SULT1C2: variants seen among roughly 807,000 people sequenced by gnomAD.
The protein encoded by SULT1C2 is sulfotransferase family 1C member 2.
SULT1C2 carries 27 observed loss-of-function variants against 36.0 expected under a neutral mutation model. The observed-to-expected ratio is 0.75, with a 90% CI of 0.55 to 1.03. The LOEUF is 1.03. Among genes scored for constraint, SULT1C2 ranks in the 50% least tolerant of loss-of-function variants. The pLI is 0.00. For missense variants in SULT1C2, 395 were observed against 359.2 expected (o/e 1.10, Z -0.80); for synonymous variants, 121 against 116.0 (o/e 1.04, Z -0.27).
At chr2:108,303,748 G>T (rs763511585) in intron 4 of SULT1C2, 12 of 152,212 alleles carry the variant, frequency 7.9e-5, no homozygotes, top group Non-Finnish European at 1.2e-4. Flanking sequence ...ATTGTAGAAT[G>T]TTGAACAGCA....
intron 1 of SULT1C2, among the ~76,000 whole-genome samples, chr2:108,292,393 A>AACACACACAC (rs66462427): frequency 1.8e-4 from 24 of 133,456 alleles, no homozygotes; most frequent in African/African-American, 4.0e-4. Context: ...CAACAATGAC[A>AACACACACAC]ACACACACAC....
intron 3 of SULT1C2, 199 bp from the exon 4 acceptor site, chr2:108,300,639 G>A: frequency 1.2e-6 from 1 of 817,862 alleles, no homozygotes; most frequent in South Asian, 2.8e-5. Flanking sequence ...TAACTCTAAG[G>A]CCCCATCCAG....
intron 1 of SULT1C2, among the ~76,000 whole-genome samples, chr2:108,290,775 C>G (rs1352476419): frequency 6.6e-6 from 1 of 152,236 alleles, no homozygotes; most frequent in Non-Finnish European, 1.5e-5. Flanking sequence ...CACTGCCACA[C>G]TGGCAGTTAA....
At chr2:108,297,205 T>C (rs1676752864) in intron 3 of SULT1C2, among the ~76,000 whole-genome samples, 1 of 152,090 alleles carries the variant, frequency 6.6e-6, no homozygotes. Context: ...TATTGTCCCA[T>C]GGAAGAAACC....
intron 3 of SULT1C2, chr2:108,300,583 C>G (rs1001910151): frequency 1.9e-6 from 1 of 522,162 alleles, no homozygotes; most frequent in Non-Finnish European, 3.1e-6. Flanking sequence ...CTTCACTTGA[C>G]CATTCTCACC....
chr2:108,304,614 C>T lies in SULT1C2; in HGVS notation c.416C>T (p.Ser139Phe). ...VARNAKDCMVSYYHFQRMNHM... is the reference protein window; with the variant it reads ...VARNAKDCMVFYYHFQRMNHM... Reference sequence around the variant, plus strand: ...CGAAATGCCAAAGACTGTATGGTTTCCTACTACCATTTCCAAAGGATGAAC... The same window carrying T: ...CGAAATGCCAAAGACTGTATGGTTTTCTACTACCATTTCCAAAGGATGAAC... Residue 139 changes from serine to phenylalanine, a missense_variant, in exon 5 of 8, where the codon TCC (serine) becomes TTC (phenylalanine). Coordinates refer to ENST00000251481, the MANE Select transcript of SULT1C2 (RefSeq NM_001056.4). 1 of 1,613,628 alleles carries T rather than the reference C, an allele frequency of 6.2e-7. No individual in the cohort carries two copies. The highest frequency in any genetic ancestry group is 8.5e-7 in the Non-Finnish European group (1 of 1,179,848).
At chr2:108,296,178 G>A (rs572415339) in intron 3 of SULT1C2, among the ~76,000 whole-genome samples, 1 of 152,302 alleles carries the variant, frequency 6.6e-6, no homozygotes, top group Non-Finnish European at 1.5e-5. Flanking sequence ...TAAAGAAAGA[G>A]GAGAGGCCTA....
rs75598365 is a variant in SULT1C2, at chr2:108,300,676, A to C, written c.278-162A>C. 1,186 of 1,256,094 alleles carry C rather than the reference A, an allele frequency of 9.4e-4. 7 individuals carry two copies. In the African/African-American group the frequency reaches 0.017, roughly 18 times the overall value. 77.8% of individuals were successfully genotyped at this position (1,256,094 alleles called of 1,614,324 possible). On this transcript the variant is annotated intron_variant, in intron 3 of 7. Transcript: ENST00000251481. Reference sequence around the variant, plus strand: ...ACTCAAGCTGTGTGATTTTACAAAAATGAAAATTATATTAATAATCCCATT... The same window carrying C: ...ACTCAAGCTGTGTGATTTTACAAAACTGAAAATTATATTAATAATCCCATT...
In SULT1C2 at chr2:108,301,003, C is replaced by A. The variant is rs925594023; in HGVS notation, c.375+68C>A. 4 of 1,582,282 alleles carry A rather than the reference C, an allele frequency of 2.5e-6. No individual in the cohort carries two copies. The African/African-American group carries it at 5.4e-5, about 21-fold the overall frequency. ...CAACCAAAGCGAGTCCTGCAGACCC[C>A]AACGCAGAGCATTCGTGATCACCTT... On this transcript the variant is annotated intron_variant, in intron 4 of 7. Coordinates refer to ENST00000251481, the MANE Select transcript of SULT1C2 (RefSeq NM_001056.4).
rs35976654 is a variant in SULT1C2 at position 108,309,330 on chromosome 2, CT to C, written c.*867del. 44,585 of 152,004 alleles carry C rather than the reference CT, an allele frequency of 0.29. 8,211 individuals are homozygous for C. Among genetic ancestry groups the C allele is most frequent in the Non-Finnish European group, 0.41 (27,589 of 67,894 alleles). The allele number at this position is 152,004 out of a possible 1,614,324, so 9.4% of individuals were successfully genotyped here. A position where few individuals can be genotyped will look rare whatever the true frequency, so the allele number is the denominator to read the frequency against. Reference sequence around the variant, plus strand: ...TTACTCTTCAATTTCTTATTTATACCTCTCACTCAATTGTTAATTCTTTGGG... The same window carrying C: ...TTACTCTTCAATTTCTTATTTATACCCTCACTCAATTGTTAATTCTTTGGG... On this transcript the variant is annotated 3_prime_UTR_variant, in exon 8 of 8. Transcript: ENST00000251481.
At chr2:108,292,112 T>G (rs1461033064) in intron 1 of SULT1C2, among the ~76,000 whole-genome samples, 1 of 152,182 alleles carries the variant, frequency 6.6e-6, no homozygotes, top group Non-Finnish European at 1.5e-5. Context: ...CTAGCAAGCA[T>G]GTACTGTTAC....
At chr2:108,305,340 A>T (rs1676995434) in intron 6 of SULT1C2, 74 bp downstream of exon 6, 2 of 1,609,718 alleles carry the variant, frequency 1.2e-6, no homozygotes, top group Non-Finnish European at 8.5e-7. Flanking sequence ...GTTGTTTCAA[A>T]GGACATCCCA....
chr2:108,296,459 G>GTTT (rs4149428), intron 3 of SULT1C2, among the ~76,000 whole-genome samples: 158 of 150,074 alleles, frequency 1.1e-3, no homozygotes, highest in African/African-American at 2.3e-3. Context: ...CGTTTGTTTG[G>GTTT]TTTTTTTTTT....
At position 108,294,359 on chromosome 2, in the gene SULT1C2, G is replaced by C; in HGVS notation, c.277+5G>C. Reference sequence around the variant, plus strand: ...CTCGGCCACCCCAACCTTCTGGTGAGAGCACCTCCCTCTTTCTCTCTTCCT... The same window carrying C: ...CTCGGCCACCCCAACCTTCTGGTGACAGCACCTCCCTCTTTCTCTCTTCCT... On this transcript the variant is annotated splice_donor_5th_base_variant and intron_variant, in intron 3 of 7. Coordinates refer to ENST00000251481, the MANE Select transcript of SULT1C2 (RefSeq NM_001056.4). 6.3e-7 allele frequency: 1 copy of C among 1,598,938 alleles called. No individual in the cohort carries two copies. Among genetic ancestry groups the C allele is most frequent in the East Asian group, 2.2e-5 (1 of 44,586 alleles).
At chr2:108,307,719 G>A (rs1298807292) in intron 7 of SULT1C2, among the ~76,000 whole-genome samples, 1 of 151,978 alleles carries the variant, frequency 6.6e-6, no homozygotes, top group Non-Finnish European at 1.5e-5. Context: ...GTTTTTTATT[G>A]AGATATAATC....
At chr2:108,308,282 C>T in intron 7 of SULT1C2, 70 bp from the exon 8 acceptor site, 2 of 1,429,718 alleles carry the variant, frequency 1.4e-6, no homozygotes, top group East Asian at 2.3e-5. Flanking sequence ...ATGGGCACTA[C>T]ACCACTTTAC....
chr2:108,295,194 G>T (rs972608244), intron 3 of SULT1C2, among the ~76,000 whole-genome samples: 4 of 152,248 alleles, frequency 2.6e-5, no homozygotes, highest in African/African-American at 4.8e-5. Flanking sequence ...GTGGAAGGAG[G>T]TGTCTCCAAG....
chr2:108,296,437 C>T (rs997104098), intron 3 of SULT1C2, among the ~76,000 whole-genome samples: 1 of 145,862 alleles, frequency 6.9e-6, no homozygotes, highest in Non-Finnish European at 1.5e-5. Flanking sequence ...GGAGACTCAG[C>T]TGTGCAGTGG....
intron 3 of SULT1C2, among the ~76,000 whole-genome samples, chr2:108,298,033 A>G (rs1676779691): frequency 6.6e-6 from 1 of 152,212 alleles, no homozygotes. Flanking sequence ...GTGTAATAGG[A>G]AAGAGGAGAG....
Sources: allele counts gnomAD v4.1 joint callset (sites outside exome capture counted in the v4.1 genomes callset), GRCh38; gene constraint gnomAD v4.1.1; transcripts MANE v1.5; gene names NCBI Gene and HGNC (gene_info 2026-07-23, HGNC 2026-07-21).